Variants in RSRC1 observed in about 807,000 individuals in gnomAD.
RSRC1 encodes serine/Arginine-related protein 53.
RSRC1 carries 39 observed loss-of-function variants against 49.1 expected under a neutral mutation model. The observed-to-expected ratio is 0.79, with a 90% CI of 0.61 to 1.04. The LOEUF (loss-of-function observed/expected upper bound fraction) is 1.04. Ranked by LOEUF, RSRC1 falls within the 50% of genes least tolerant of loss-of-function variation. The pLI is 0.00. For synonymous variants in RSRC1, 143 were observed against 130.8 expected (o/e 1.09, Z -0.63); for missense variants, 388 against 402.4 (o/e 0.96, Z 0.31).
chr3:158,428,681 T>C (rs1458809671), intron 6 of RSRC1, among the ~76,000 whole-genome samples: 1 of 151,938 alleles, frequency 6.6e-6, no homozygotes, highest in Non-Finnish European at 1.5e-5. Flanking sequence ...TAACCTAGTC[T>C]GCCTCCCTGT....
chr3:158,402,830 G>A (rs1455708468), intron 6 of RSRC1, among the ~76,000 whole-genome samples: 1 of 151,768 alleles, frequency 6.6e-6, no homozygotes, highest in African/African-American at 2.4e-5. Flanking sequence ...GTCCTCATTG[G>A]TTGGATCTAG....
chr3:158,138,226 G>T (rs1716526505), intron 3 of RSRC1, among the ~76,000 whole-genome samples: 2 of 152,186 alleles, frequency 1.3e-5, no homozygotes, highest in South Asian at 4.1e-4. Context: ...GAGGGGCTAT[G>T]ACCTCAAATC....
intron 3 of RSRC1, among the ~76,000 whole-genome samples, chr3:158,149,719 C>T (rs1004479713): frequency 3.3e-5 from 5 of 152,140 alleles, no homozygotes; most frequent in African/African-American, 1.2e-4. Context: ...TTGAAACCAA[C>T]CTTTCTTAGA....
intron 1 of RSRC1, chr3:158,110,457 G>A (rs1407827501): frequency 6.6e-6 from 1 of 152,634 alleles, no homozygotes; most frequent in Non-Finnish European, 1.5e-5. Context: ...GGTGGCCGCA[G>A]GCCTCAAGCT....
intron 6 of RSRC1, among the ~76,000 whole-genome samples, chr3:158,445,418 A>G (rs1578487836): frequency 6.6e-6 from 1 of 151,440 alleles, no homozygotes; most frequent in East Asian, 1.9e-4. Context: ...AAAACCAAAC[A>G]CCACATGTTC....
intron 3 of RSRC1, among the ~76,000 whole-genome samples, chr3:158,149,656 T>A (rs572439423): frequency 1.9e-4 from 29 of 152,330 alleles, no homozygotes; most frequent in African/African-American, 7.0e-4. Context: ...ATAGTGAACA[T>A]GATGCTATAG....
At chr3:158,217,157 G>C (rs1398534237) in intron 4 of RSRC1, among the ~76,000 whole-genome samples, 3 of 151,230 alleles carry the variant, frequency 2.0e-5, no homozygotes, top group Non-Finnish European at 4.4e-5. Context: ...GTACCTTCAG[G>C]GTTGCTAGAA....
At chr3:158,503,141 G>T (rs1739684566) in intron 7 of RSRC1, among the ~76,000 whole-genome samples, 1 of 152,176 alleles carries the variant, frequency 6.6e-6, no homozygotes, top group Non-Finnish European at 1.5e-5. Flanking sequence ...CCAAGCTGCA[G>T]TGATTGTTGT....
chr3:158,322,540 G>T (rs924043530), intron 5 of RSRC1, among the ~76,000 whole-genome samples: 2 of 152,146 alleles, frequency 1.3e-5, no homozygotes, highest in African/African-American at 4.8e-5. Flanking sequence ...TTTGCCTTTG[G>T]CTACTAGGAA....
At chr3:158,529,762 C>A (rs1229532945) in intron 7 of RSRC1, among the ~76,000 whole-genome samples, 1 of 151,914 alleles carries the variant, frequency 6.6e-6, no homozygotes, top group East Asian at 1.9e-4. Context: ...AATATGTTTG[C>A]TTTAAAACAT....
chr3:158,216,272 G>GT (rs1038446801), intron 4 of RSRC1, among the ~76,000 whole-genome samples: 139 of 150,520 alleles, frequency 9.2e-4, no homozygotes, highest in African/African-American at 3.3e-3. Context: ...GGCAGTTTTT[G>GT]TTTTTTTATG....
intron 6 of RSRC1, among the ~76,000 whole-genome samples, chr3:158,368,111 C>G (rs1311889298): frequency 6.6e-6 from 1 of 152,222 alleles, no homozygotes; most frequent in Non-Finnish European, 1.5e-5. Context: ...AGATGTTAAG[C>G]AGACAGTAGT....
chr3:158,340,199 C>G (rs1380823733), intron 5 of RSRC1, among the ~76,000 whole-genome samples: 1 of 152,154 alleles, frequency 6.6e-6, no homozygotes, highest in African/African-American at 2.4e-5. Flanking sequence ...CTCACGAGAT[C>G]TGATGACTTT....
At chr3:158,276,049 G>T (rs2682405) in intron 4 of RSRC1, 346,059 of 845,602 alleles carry the variant, frequency 0.41, 75,339 homozygotes, top group East Asian at 0.62. Flanking sequence ...TTTCTATGTG[G>T]GATCTTCACC....
rs940229927 is a variant in RSRC1 at position 158,356,190 on chromosome 3, T to G, written c.583+1282T>G. Among the ~76,000 whole-genome samples, 9 of 152,110 alleles carry G rather than the reference T, an allele frequency of 5.9e-5. No individual in the cohort carries two copies. In the South Asian group the frequency reaches 1.9e-3, roughly 32 times the overall value. Reference sequence around the variant, plus strand: ...ACTACTGTATATATTTCTTAAAATTTTTTACTATAAAGAGCTCATAATTTC... The same window carrying G: ...ACTACTGTATATATTTCTTAAAATTGTTTACTATAAAGAGCTCATAATTTC... On this transcript the variant is annotated intron_variant, in intron 6 of 9. Transcript: ENST00000611884.
intron 7 of RSRC1, among the ~76,000 whole-genome samples, chr3:158,464,318 G>T (rs1485766211): frequency 6.6e-6 from 1 of 152,118 alleles, no homozygotes; most frequent in Non-Finnish European, 1.5e-5. Context: ...AAGCATAGTA[G>T]TCTTTCTTTG....
intron 5 of RSRC1, among the ~76,000 whole-genome samples, chr3:158,326,323 T>C (rs1729137798): frequency 6.6e-6 from 1 of 152,202 alleles, no homozygotes; most frequent in African/African-American, 2.4e-5. Flanking sequence ...TCAAAGGGAA[T>C]GCTTCCAGTT....
At chr3:158,135,190 C>T (rs912763516) in intron 3 of RSRC1, among the ~76,000 whole-genome samples, 1 of 152,012 alleles carries the variant, frequency 6.6e-6, no homozygotes, top group Non-Finnish European at 1.5e-5. Flanking sequence ...GTGCTGTTTA[C>T]TGCCACATGT....
chr3:158,283,751 T>C (rs753921054), intron 4 of RSRC1, among the ~76,000 whole-genome samples: 1 of 152,186 alleles, frequency 6.6e-6, no homozygotes, highest in Non-Finnish European at 1.5e-5. Flanking sequence ...CGTGTATTGT[T>C]GAGAATGTTG....
Sources: allele counts gnomAD v4.1 joint callset (sites outside exome capture counted in the v4.1 genomes callset), GRCh38; gene constraint gnomAD v4.1.1; transcripts MANE v1.5; gene names NCBI Gene and HGNC (gene_info 2026-07-23, HGNC 2026-07-21).